Variants in PSMG2 observed in about 807,000 individuals in gnomAD.
PSMG2 encodes CD40 ligand-activated specific transcript 3.
In PSMG2, 21 loss-of-function variants were observed where a neutral mutation model predicts 31.5. The observed-to-expected ratio is 0.67, with a 90% confidence interval of 0.47 to 0.96. PSMG2 has a LOEUF of 0.96. Ranked by LOEUF, PSMG2 falls within the 40% of genes least tolerant of loss-of-function variation. The pLI is 0.00. For synonymous variants in PSMG2, 120 were observed against 110.4 expected, an observed-to-expected ratio of 1.09 and a Z score of -0.54; for missense variants, 318 against 321.2, an observed-to-expected ratio of 0.99 and a Z score of 0.08.
chr18:12,688,976 T>C (rs1475246997), intron 1 of PSMG2, among the ~76,000 whole-genome samples: 2 of 152,058 alleles, frequency 1.3e-5, no homozygotes, highest in Non-Finnish European at 2.9e-5. Context: ...TAGCCAGGCA[T>C]GGTGGCACGT....
At chr18:12,675,921 G>A (rs376813741) in intron 1 of PSMG2, among the ~76,000 whole-genome samples, 4 of 151,842 alleles carry the variant, frequency 2.6e-5, no homozygotes, top group African/African-American at 9.7e-5. Flanking sequence ...CACCCACCTC[G>A]GCCTCCCAAA....
chr18:12,725,282 A>C (rs2040465779), intron 6 of PSMG2, among the ~76,000 whole-genome samples, 157 bp from the exon 7 acceptor site: 1 of 152,224 alleles, frequency 6.6e-6, no homozygotes, highest in Non-Finnish European at 1.5e-5. Context: ...TCTTCAGTTG[A>C]CATGAAGACA....
rs1028638972 is a variant in PSMG2 at position 12,697,481 on chromosome 18, T to A, written c.-36-9069T>A. On this transcript the variant is annotated intron_variant, in intron 1 of 6. Coordinates refer to the PSMG2 transcript ENST00000585331. ...AGGCCAACATAAAAGAATACTTTTA[T>A]TAAACAGTAAATAATAAGCTTATAT... is the stretch of plus-strand genomic sequence containing the variant. 13 of 1,009,838 alleles carry A rather than the reference T, an allele frequency of 1.3e-5. No individual in the cohort carries two copies. The South Asian group carries it at 2.4e-4, about 19-fold the overall frequency. 62.6% of individuals were successfully genotyped at this position (1,009,838 alleles called of 1,614,324 possible). A position where few individuals can be genotyped will look rare whatever the true frequency, so the allele number is the denominator to read the frequency against.
chr18:12,712,834 T>C (rs2040343976), intron 3 of PSMG2, 74 bp downstream of exon 3: 1 of 1,182,568 alleles, frequency 8.5e-7, no homozygotes, highest in African/African-American at 1.5e-5. Flanking sequence ...GGATTAAGAT[T>C]CAAAAATTAC....
At chr18:12,716,810 C>G (rs868363458) in intron 3 of PSMG2, among the ~76,000 whole-genome samples, 84 of 152,084 alleles carry the variant, frequency 5.5e-4, no homozygotes, top group African/African-American at 1.8e-3. Flanking sequence ...AAGACAGATA[C>G]TAATATTATC....
At chr18:12,700,896 G>T, upstream of PSMG2, 3 of 1,358,822 alleles carry the variant, frequency 2.2e-6, no homozygotes, top group Non-Finnish European at 3.1e-6. Context: ...AACCTTATAA[G>T]TAGTGTTACG....
intron 5 of PSMG2, 104 bp from the exon 6 acceptor site, chr18:12,724,395 C>CT: frequency 8.2e-7 from 1 of 1,221,520 alleles, no homozygotes; most frequent in Non-Finnish European, 1.1e-6. Flanking sequence ...GCGTCTTTTC[C>CT]TTTCCTAAAC....
In PSMG2 at chr18:12,668,734, C is replaced by CTTT. The variant is rs543253434; in HGVS notation, c.-37+9981_-37+9983dup. Among the ~76,000 whole-genome samples, 772 of 96,730 alleles carry CTTT rather than the reference C, an allele frequency of 8.0e-3. 89 individuals are homozygous for CTTT. Among genetic ancestry groups the CTTT allele is most frequent in the African/African-American group, 0.021 (551 of 25,664 alleles). 63.5% of individuals were successfully genotyped at this position (96,730 alleles called of 152,430 possible). Reference sequence around the variant, plus strand: ...CTACCTAGCAAGATACACTTTATTCCTTTTTTTTTTTTTTTTTTTTTTGAG... The same window carrying CTTT: ...CTACCTAGCAAGATACACTTTATTCCTTTTTTTTTTTTTTTTTTTTTTTTTGAG... On this transcript the variant is annotated intron_variant, in intron 1 of 6. Transcript: ENST00000585331.
chr18:12,697,217 C>T (rs1262320561), intron 1 of PSMG2: 14 of 1,594,556 alleles, frequency 8.8e-6, no homozygotes, highest in Non-Finnish European at 1.2e-5. Context: ...ATATTAATCA[C>T]CATACCTACA....
intron 1 of PSMG2, among the ~76,000 whole-genome samples, chr18:12,675,344 C>T (rs965512915): frequency 5.9e-5 from 9 of 151,748 alleles, no homozygotes; most frequent in African/African-American, 2.2e-4. Context: ...TGCAGTGAGC[C>T]GAGATCGTGC....
chr18:12,659,622 A>T (rs2038653583), intron 1 of PSMG2, among the ~76,000 whole-genome samples: 1 of 152,146 alleles, frequency 6.6e-6, no homozygotes, highest in Admixed American at 6.6e-5. Flanking sequence ...ATGAGCCAAG[A>T]TCACACCACT....
At chr18:12,693,375 A>C (rs1199591703) in intron 1 of PSMG2, among the ~76,000 whole-genome samples, 1 of 151,952 alleles carries the variant, frequency 6.6e-6, no homozygotes, top group African/African-American at 2.4e-5. Flanking sequence ...AGTGAGCTAT[A>C]ATCACACCAC....
chr18:12,677,543 T>C (rs556679748), intron 1 of PSMG2, among the ~76,000 whole-genome samples: 2 of 151,064 alleles, frequency 1.3e-5, no homozygotes, highest in East Asian at 1.9e-4. Context: ...GTCTACCCAG[T>C]TGAGTACAAC....
intron 5 of PSMG2, 76 bp downstream of exon 5, chr18:12,720,759 C>A: frequency 7.0e-7 from 1 of 1,423,464 alleles, no homozygotes; most frequent in South Asian, 1.4e-5. Context: ...GAGATCGTGC[C>A]ACTGCACTCT....
At chr18:12,714,557 G>C (rs2040360817) in intron 3 of PSMG2, among the ~76,000 whole-genome samples, 1 of 149,780 alleles carries the variant, frequency 6.7e-6, no homozygotes, top group African/African-American at 2.5e-5. Flanking sequence ...GCAGTGGCGT[G>C]ATCTTGGCTC....
intron 4 of PSMG2, among the ~76,000 whole-genome samples, chr18:12,719,884 C>T (rs371081104): frequency 5.3e-5 from 8 of 151,096 alleles, no homozygotes; most frequent in Admixed American, 1.3e-4. Context: ...CCACCACACC[C>T]GGCTAATTTT....
At chr18:12,674,847 GAA>G (rs1044051030) in intron 1 of PSMG2, 3 of 653,122 alleles carry the variant, frequency 4.6e-6, no homozygotes, top group Non-Finnish European at 7.3e-6. Context: ...TGTATACCAA[GAA>G]AAGATTTTTA....
At chr18:12,709,532 CTT>C (rs2040307609) in intron 2 of PSMG2, among the ~76,000 whole-genome samples, 1 of 150,106 alleles carries the variant, frequency 6.7e-6, no homozygotes, top group African/African-American at 2.5e-5. Context: ...GAGTTTTGCT[CTT>C]GTTGCCCAGG....
At chr18:12,691,181 G>A in intron 1 of PSMG2, 1 of 436,446 alleles carries the variant, frequency 2.3e-6, no homozygotes, top group African/African-American at 2.0e-5. Context: ...ATAAGACATA[G>A]ATTGATCTTG....
Sources: allele counts gnomAD v4.1 joint callset (sites outside exome capture counted in the v4.1 genomes callset), GRCh38; gene constraint gnomAD v4.1.1; transcripts MANE v1.5; gene names NCBI Gene and HGNC (gene_info 2026-07-23, HGNC 2026-07-21).